PTPRN2: variants seen among roughly 807,000 people sequenced by gnomAD.
The protein encoded by PTPRN2 is receptor-type tyrosine-protein phosphatase N2.
Under a neutral mutation model 118.8 loss-of-function variants are expected in PTPRN2, and 74 were observed. That is an observed-to-expected ratio of 0.62 (90% confidence interval 0.52 to 0.76). PTPRN2 has a LOEUF of 0.76. PTPRN2 is among the 30% of genes least tolerant of loss of function. The pLI is 0.00. For missense variants in PTPRN2, 1,481 were observed against 1,394.4 expected, an observed-to-expected ratio of 1.06 and a Z score of -0.99; for synonymous variants, 641 against 608.0, an observed-to-expected ratio of 1.05 and a Z score of -0.80.
chr7:158,320,403 G>A (rs1486857108), intron 2 of PTPRN2, among the ~76,000 whole-genome samples: 2 of 152,276 alleles, frequency 1.3e-5, no homozygotes, highest in East Asian at 1.9e-4. Context: ...CAGCAGCTGC[G>A]ATGGCACCCC....
chr7:158,176,357 C>A (rs1824208535), intron 5 of PTPRN2, among the ~76,000 whole-genome samples: 1 of 152,142 alleles, frequency 6.6e-6, no homozygotes, highest in Admixed American at 6.5e-5. Context: ...TTCTCTAACC[C>A]TTTCAATGAC....
At position 158,574,439 on chromosome 7, in the gene PTPRN2, G is replaced by C. The variant is rs1019507838; in HGVS notation, c.112+13119C>G. Among the ~76,000 whole-genome samples the C allele has an allele frequency of 6.6e-6, 1 of 152,086 alleles. No individual in the cohort carries two copies. Among genetic ancestry groups the C allele is most frequent in the Admixed American group, 6.5e-5 (1 of 15,270 alleles). ...AACTTGTAAATAAGAATATGTATCC[G>C]GTAAATAAATGCACATTTCTGTTGG... On this transcript the variant is annotated intron_variant, in intron 1 of 22. Coordinates refer to ENST00000389418, the MANE Select transcript of PTPRN2 (RefSeq NM_002847.5). The surrounding 1 kb of genome is among the most constrained non-coding windows in gnomAD (Gnocchi z 4.6).
chr7:158,217,099 T>C (rs970784913), intron 3 of PTPRN2, among the ~76,000 whole-genome samples: 13 of 152,170 alleles, frequency 8.5e-5, no homozygotes, highest in Non-Finnish European at 1.8e-4. Context: ...AATGCTTACA[T>C]TAAAAAAGAG....
intron 11 of PTPRN2, among the ~76,000 whole-genome samples, chr7:157,951,544 C>T (rs973553016): frequency 6.6e-6 from 1 of 152,204 alleles, no homozygotes; most frequent in Non-Finnish European, 1.5e-5. Context: ...CTCTGGGACC[C>T]CCCTTCCACT....
intron 19 of PTPRN2, 75 bp downstream of exon 19, chr7:157,576,537 CA>C: frequency 1.4e-6 from 2 of 1,390,420 alleles, no homozygotes; most frequent in Admixed American, 5.2e-5. Flanking sequence ...AGGGGCGTCT[CA>C]GGAGCACCGA....
At position 157,751,244 on chromosome 7, in the gene PTPRN2, A is replaced by G. The variant is rs148213906; in HGVS notation, c.1789-68307T>C. On this transcript the variant is annotated intron_variant, in intron 12 of 22. Coordinates refer to ENST00000389418, the MANE Select transcript of PTPRN2 (RefSeq NM_002847.5). ...GCTCGTGGATGGGGGGCACAAGGCA[A>G]TATCCCGAGGAGAGAGACAGGCTCA... 2.0e-5 allele frequency among the ~76,000 whole-genome samples: 3 copies of G among 152,302 alleles called. No homozygotes were observed. The East Asian group carries it at 5.8e-4, about 29-fold the overall frequency.
At chr7:157,993,483 G>A (rs1804413818) in intron 11 of PTPRN2, among the ~76,000 whole-genome samples, 1 of 152,072 alleles carries the variant, frequency 6.6e-6, no homozygotes, top group Admixed American at 6.5e-5. Context: ...CCCAGGGCCA[G>A]GAACCACAGA....
chr7:158,410,133 C>T (rs1477678028), intron 2 of PTPRN2, among the ~76,000 whole-genome samples: 3 of 152,186 alleles, frequency 2.0e-5, no homozygotes, highest in African/African-American at 7.2e-5. Context: ...ACCTTCCCTC[C>T]ATTTAAGAAA....
At chr7:158,361,673 C>T (rs1226114299) in intron 2 of PTPRN2, among the ~76,000 whole-genome samples, 1 of 152,196 alleles carries the variant, frequency 6.6e-6, no homozygotes, top group Non-Finnish European at 1.5e-5. Flanking sequence ...CCACCATGGA[C>T]CTTGGGGGCA....
At chr7:158,150,256 G>C (rs757698924) in intron 6 of PTPRN2, among the ~76,000 whole-genome samples, 3 of 152,238 alleles carry the variant, frequency 2.0e-5, no homozygotes, top group Non-Finnish European at 2.9e-5. Flanking sequence ...ATTCATGAGA[G>C]ATTTTTAAAC....
rs77378854 is a variant in PTPRN2 at position 158,111,646 on chromosome 7, C to T, written c.1557-731G>A. On this transcript the variant is annotated intron_variant, in intron 9 of 22. Transcript: ENST00000389418. ...AGGCTTTCACCCCAGCAGACCAAAACGCCTGCATTCCTCATCCAGTGAGCG... is the reference window on the plus strand; with the variant it reads ...AGGCTTTCACCCCAGCAGACCAAAATGCCTGCATTCCTCATCCAGTGAGCG... Among the ~76,000 whole-genome samples, 778 of 152,302 alleles carry T rather than the reference C, an allele frequency of 5.1e-3. 25 individuals are homozygous for T. The East Asian group carries it at 0.098, about 19-fold the overall frequency.
At chr7:157,773,731 G>T (rs1377317510) in intron 12 of PTPRN2, among the ~76,000 whole-genome samples, 2 of 152,208 alleles carry the variant, frequency 1.3e-5, no homozygotes, top group East Asian at 3.9e-4. Context: ...GCCCATTGGT[G>T]TCTTTGTTCC....
intron 12 of PTPRN2, among the ~76,000 whole-genome samples, chr7:157,738,119 A>G (rs543856591): frequency 6.6e-6 from 1 of 152,232 alleles, no homozygotes. Context: ...TCTCGGTATT[A>G]TACTTCTTTT....
At position 157,874,874 on chromosome 7, in the gene PTPRN2, T is replaced by TAC. The variant is rs530331922; in HGVS notation, c.1788+23797_1788+23798dup. Among the ~76,000 whole-genome samples, 1 of 148,396 alleles carries TAC rather than the reference T, an allele frequency of 6.7e-6. No individual in the cohort carries two copies. The highest frequency in any genetic ancestry group is 2.0e-4 in the East Asian group (1 of 5,018). On this transcript the variant is annotated intron_variant, in intron 12 of 22. Coordinates refer to ENST00000389418, the MANE Select transcript of PTPRN2 (RefSeq NM_002847.5). The surrounding 1 kb of genome is among the most constrained non-coding windows in gnomAD (Gnocchi z 5.8). ...ACACACGGAGACACACTCGTGCACA[T>TAC]ACACACACGGAGACACACTCGTGCA...
intron 3 of PTPRN2, among the ~76,000 whole-genome samples, chr7:158,262,113 G>T (rs1797442479): frequency 6.6e-6 from 1 of 152,116 alleles, no homozygotes; most frequent in African/African-American, 2.4e-5. Context: ...GGATGTTAAG[G>T]GTCACACCCT....
At chr7:158,057,418 T>C (rs1809873642) in intron 11 of PTPRN2, among the ~76,000 whole-genome samples, 1 of 152,236 alleles carries the variant, frequency 6.6e-6, no homozygotes, top group South Asian at 2.1e-4. Flanking sequence ...TGGTCTCTTT[T>C]TCAGGACAAG....
intron 2 of PTPRN2, among the ~76,000 whole-genome samples, chr7:158,371,054 A>C (rs1809952346): frequency 6.6e-6 from 1 of 152,240 alleles, no homozygotes; most frequent in Non-Finnish European, 1.5e-5. Context: ...AAATATGAGA[A>C]AAAATAATCT....
At chr7:158,464,597 C>T (rs1247798704) in intron 2 of PTPRN2, among the ~76,000 whole-genome samples, 1 of 151,212 alleles carries the variant, frequency 6.6e-6, no homozygotes, top group Non-Finnish European at 1.5e-5. Context: ...TCATCCATAC[C>T]GTCACCATCA....
intron 3 of PTPRN2, among the ~76,000 whole-genome samples, chr7:158,247,154 C>T (rs1465587359): frequency 6.6e-6 from 1 of 152,162 alleles, no homozygotes; most frequent in African/African-American, 2.4e-5. Flanking sequence ...TGCACATAGC[C>T]CCTGCATCTC....
Sources: gnomAD v4.1 joint callset for allele counts (sites outside exome capture counted in the v4.1 genomes callset) on GRCh38, gnomAD v4.1.1 for gene constraint, Gnocchi (gnomAD v3.1) non-coding constraint, MANE v1.5 for transcripts, NCBI Gene and HGNC (gene_info 2026-07-23, HGNC 2026-07-21) for gene names.